PEX5L: variants seen among roughly 807,000 people sequenced by gnomAD.
The protein encoded by PEX5L is PEX5-related protein.
A neutral mutation model predicts 84.0 loss-of-function variants in PEX5L; 30 were observed. The observed-to-expected ratio is 0.36, with a 90% CI of 0.27 to 0.48. The LOEUF (loss-of-function observed/expected upper bound fraction) is 0.48. Among genes scored for constraint, PEX5L ranks in the 20% least tolerant of loss-of-function variants. The pLI is 0.99. For synonymous variants in PEX5L, 270 were observed against 283.1 expected (o/e 0.95, Z 0.46); for missense variants, 533 against 754.6 (o/e 0.71, Z 3.44).
At chr3:179,941,518 C>T (rs1284011054) in intron 2 of PEX5L, among the ~76,000 whole-genome samples, 3 of 152,160 alleles carry the variant, frequency 2.0e-5, no homozygotes, top group East Asian at 3.9e-4. Context: ...TCCCCCATTT[C>T]ACAGATGAAG....
chr3:179,829,685 C>T (rs1248710062), intron 8 of PEX5L, among the ~76,000 whole-genome samples: 1 of 151,958 alleles, frequency 6.6e-6, no homozygotes, highest in Non-Finnish European at 1.5e-5. Context: ...TCCTTTGATG[C>T]AGGCAAACGT....
chr3:179,911,002 C>T (rs1203978186), intron 2 of PEX5L, among the ~76,000 whole-genome samples: 2 of 152,122 alleles, frequency 1.3e-5, no homozygotes, highest in African/African-American at 4.8e-5. Flanking sequence ...TCTTCCCCAC[C>T]ATACTTATTG....
chr3:179,831,555 G>A (rs566959393), intron 8 of PEX5L, among the ~76,000 whole-genome samples: 2 of 152,286 alleles, frequency 1.3e-5, no homozygotes, highest in Admixed American at 6.5e-5. Flanking sequence ...GAGCAAGAGA[G>A]ATGCTCACCC....
intron 8 of PEX5L, among the ~76,000 whole-genome samples, chr3:179,830,745 C>T (rs1388436409): frequency 6.6e-6 from 1 of 152,132 alleles, no homozygotes; most frequent in African/African-American, 2.4e-5. Context: ...TTGGCAGCAG[C>T]TGCCTCATTC....
At chr3:179,920,412 G>A (rs1397231065) in intron 2 of PEX5L, among the ~76,000 whole-genome samples, 2 of 152,108 alleles carry the variant, frequency 1.3e-5, no homozygotes, top group Non-Finnish European at 2.9e-5. Flanking sequence ...TTTAAGTGAG[G>A]ATCTGAAACA....
intron 1 of PEX5L, among the ~76,000 whole-genome samples, chr3:180,000,644 T>C (rs1788314178): frequency 6.6e-6 from 1 of 151,312 alleles, no homozygotes; most frequent in African/African-American, 2.5e-5. Flanking sequence ...CCTTCTTTTG[T>C]TAAAAACATG....
At chr3:179,878,385 T>C (rs1178753254) in intron 5 of PEX5L, among the ~76,000 whole-genome samples, 1 of 152,192 alleles carries the variant, frequency 6.6e-6, no homozygotes, top group African/African-American at 2.4e-5. Flanking sequence ...AGGATTTTTC[T>C]AAAATAGGAA....
At chr3:179,987,510 A>T (rs1174720514) in intron 1 of PEX5L, among the ~76,000 whole-genome samples, 1 of 152,220 alleles carries the variant, frequency 6.6e-6, no homozygotes, top group African/African-American at 2.4e-5. Flanking sequence ...GTATTAAGAA[A>T]ATCCAGAAAA....
chr3:179,843,169 G>T (rs1737953818), intron 8 of PEX5L, among the ~76,000 whole-genome samples: 1 of 152,146 alleles, frequency 6.6e-6, no homozygotes, highest in African/African-American at 2.4e-5. Flanking sequence ...CTGGCCCTAG[G>T]CAAAAATGAA....
chr3:179,930,553 C>G (rs1772795205), intron 2 of PEX5L, among the ~76,000 whole-genome samples: 1 of 152,202 alleles, frequency 6.6e-6, no homozygotes, highest in Non-Finnish European at 1.5e-5. Flanking sequence ...TTGATTGGCA[C>G]TACCCCTGAG....
At chr3:179,953,956 C>CA (rs1490826068) in intron 2 of PEX5L, among the ~76,000 whole-genome samples, 1 of 152,098 alleles carries the variant, frequency 6.6e-6, no homozygotes, top group Non-Finnish European at 1.5e-5. Context: ...TAAATATCCC[C>CA]AAAGGCAAAC....
chr3:179,934,111 G>A (rs541284513), intron 2 of PEX5L, among the ~76,000 whole-genome samples: 4 of 152,316 alleles, frequency 2.6e-5, no homozygotes, highest in Non-Finnish European at 5.9e-5. Flanking sequence ...TTGCTGTTAC[G>A]TCCAGCCTGC....
At chr3:180,010,256 TTTTTTTTTTTC>T (rs1789326398) in intron 1 of PEX5L, among the ~76,000 whole-genome samples, 1 of 142,616 alleles carries the variant, frequency 7.0e-6, no homozygotes, top group African/African-American at 2.8e-5. Flanking sequence ...CTTTTTTTTT[TTTTTTTTTTTC>T]TGTAGAGATG....
chr3:179,803,280 ATTAT>A (rs1390516609), intron 14 of PEX5L, among the ~76,000 whole-genome samples: 1 of 152,242 alleles, frequency 6.6e-6, no homozygotes, highest in Non-Finnish European at 1.5e-5. Flanking sequence ...TGTAAAAAAT[ATTAT>A]TTATGATAAC....
At position 179,797,544 on chromosome 3, in the gene PEX5L, G is replaced by T. The variant is rs1717417930; in HGVS notation, c.*4284C>A. 2 of 139,888 alleles carry T rather than the reference G, an allele frequency of 1.4e-5. No individual in the cohort carries two copies. The highest frequency in any genetic ancestry group is 2.3e-4 in the South Asian group (1 of 4,426). 8.7% of individuals were successfully genotyped at this position (139,888 alleles called of 1,614,324 possible). A position where few individuals can be genotyped will look rare whatever the true frequency, so the allele number is the denominator to read the frequency against. On this transcript the variant is annotated 3_prime_UTR_variant, in exon 15 of 15. Coordinates refer to ENST00000467460, the MANE Select transcript of PEX5L (RefSeq NM_016559.3). The stretch of plus-strand genomic sequence containing the variant: ...TTATACGTTTTGCTTTTAAAAAATT[G>T]CTTTTTTACAAACTTTATGCCAGAG...
intron 2 of PEX5L, among the ~76,000 whole-genome samples, chr3:179,971,276 T>A (rs1322415378): frequency 1.3e-5 from 2 of 152,174 alleles, no homozygotes; most frequent in Non-Finnish European, 2.9e-5. Context: ...ATTTTATTGT[T>A]CTTGTTTATC....
intron 2 of PEX5L, among the ~76,000 whole-genome samples, chr3:179,965,936 C>T (rs945821567): frequency 6.6e-6 from 1 of 152,062 alleles, no homozygotes; most frequent in Non-Finnish European, 1.5e-5. Flanking sequence ...GAAATTTCCC[C>T]CTTCTGTGTA....
chr3:179,845,474 T>C lies in PEX5L; in HGVS notation c.822+13588A>G, dbSNP rs1369831037. Among the ~76,000 whole-genome samples the C allele has an allele frequency of 3.9e-5, 6 of 152,364 alleles. No homozygotes were observed. The East Asian group carries it at 9.6e-4, about 24-fold the overall frequency. On this transcript the variant is annotated intron_variant, in intron 8 of 14. Transcript: ENST00000467460. ...AGTCCATTAAAGGTAGCTCTGCCCT[T>C]GTCACTGACTGCTGGATATTTCCAA...
At chr3:179,990,429 T>C (rs1480433115) in intron 1 of PEX5L, among the ~76,000 whole-genome samples, 2 of 152,040 alleles carry the variant, frequency 1.3e-5, no homozygotes, top group Non-Finnish European at 2.9e-5. Flanking sequence ...GATAGGGTCT[T>C]GCTCTGTTGC....
Sources: allele counts gnomAD v4.1 joint callset (sites outside exome capture counted in the v4.1 genomes callset), GRCh38; gene constraint gnomAD v4.1.1; transcripts MANE v1.5; gene names NCBI Gene and HGNC (gene_info 2026-07-23, HGNC 2026-07-21).